Variants in HEATR5A observed in about 807,000 individuals in gnomAD.
HEATR5A encodes the protein HEAT repeat-containing protein 5A.
HEATR5A carries 178 observed loss-of-function variants against 218.8 expected under a neutral mutation model. The observed-to-expected ratio is 0.81, with a 90% CI of 0.72 to 0.92. The LOEUF (loss-of-function observed/expected upper bound fraction) is 0.92. HEATR5A is among the 40% of genes least tolerant of loss of function. HEATR5A has a pLI of 0.00. For missense variants in HEATR5A, 2,420 were observed against 2,418.9 expected (o/e 1.00, Z -0.01); for synonymous variants, 864 against 871.6 (o/e 0.99, Z 0.15).
At chr14:31,418,174 A>C (rs1403473771) in intron 1 of HEATR5A, among the ~76,000 whole-genome samples, 1 of 152,204 alleles carries the variant, frequency 6.6e-6, no homozygotes, top group Non-Finnish European at 1.5e-5. Context: ...GCGCCACTGC[A>C]CTCCAGCCTG....
chr14:31,349,094 G>T (rs1416818291), intron 18 of HEATR5A, among the ~76,000 whole-genome samples: 1 of 152,074 alleles, frequency 6.6e-6, no homozygotes, highest in Non-Finnish European at 1.5e-5. Context: ...ACAACTGATA[G>T]AAATGAAAGT....
At chr14:31,393,801 A>G (rs2030545400) in intron 6 of HEATR5A, among the ~76,000 whole-genome samples, 1 of 152,050 alleles carries the variant, frequency 6.6e-6, no homozygotes, top group Non-Finnish European at 1.5e-5. Context: ...GGCGTGTGCC[A>G]TCACACCAAG....
At chr14:31,347,460 C>T (rs963273853) in intron 19 of HEATR5A, among the ~76,000 whole-genome samples, 1 of 152,164 alleles carries the variant, frequency 6.6e-6, no homozygotes, top group Non-Finnish European at 1.5e-5. Context: ...AATCTGCCTG[C>T]CTCGGCATCC....
Position 31,364,167 on chromosome 14 carries a change from C to T in HEATR5A, c.2071+22G>A, listed in dbSNP as rs1177523152. 7.5e-6 allele frequency: 8 copies of T among 1,068,178 alleles called. No individual in the cohort carries two copies. In the African/African-American group the frequency reaches 1.1e-4, roughly 15 times the overall value. 66.2% of individuals were successfully genotyped at this position (1,068,178 alleles called of 1,614,324 possible). On this transcript the variant is annotated intron_variant, in intron 14 of 35. Transcript: ENST00000543095. The stretch of plus-strand genomic sequence containing the variant: ...ACCATACTAGCCACAAACAAAAAAA[C>T]ATTTTGGTCTAAGGCACATACCTTC...
chr14:31,343,933 C>A lies in HEATR5A; in HGVS notation c.3191G>T (p.Arg1064Leu), dbSNP rs779508768. The A allele has an allele frequency of 6.2e-7, 1 of 1,610,620 alleles. No individual in the cohort carries two copies. The highest frequency in any genetic ancestry group is 8.5e-7 in the Non-Finnish European group (1 of 1,178,788). Residue 1064 changes from arginine to leucine, a missense_variant, in exon 21 of 36, where the codon CGA becomes CTA. Transcript: ENST00000543095. ...AACCAGGCTAGACAAGTTGACATGT[C>A]GTGGAGCAAACATATGAAGCTGCTG... is the stretch of plus-strand genomic sequence containing the variant. Reference protein sequence around the residue: ...CLQQLHMFAPRHVNLSSLVSC... With the variant: ...CLQQLHMFAPLHVNLSSLVSC...
chr14:31,299,587 G>C (rs1416928884), intron 33 of HEATR5A, among the ~76,000 whole-genome samples: 3 of 151,826 alleles, frequency 2.0e-5, no homozygotes, highest in African/African-American at 7.3e-5. Context: ...GCCAGGCGTG[G>C]TGGCACATGC....
At position 31,387,313 on chromosome 14, in the gene HEATR5A, A is replaced by C. The variant is rs2030266766; in HGVS notation, c.996T>G (p.Phe332Leu). Residue 332 changes from phenylalanine to leucine, a missense_variant, in exon 8 of 36, where the codon TTT becomes TTG. Transcript: ENST00000543095. ...GAWLEKNFAA[F>L]FSHILSLASP... ...ACGCAAGGCTTAGGATATGAGAAAA[A>C]AAGGCAGCAAAATTTTTCTCTAGCC... is the stretch of plus-strand genomic sequence containing the variant. 12 of 1,614,000 alleles carry C rather than the reference A, an allele frequency of 7.4e-6. No homozygotes were observed. The highest frequency in any genetic ancestry group is 1.0e-5 in the Non-Finnish European group (12 of 1,179,886).
chr14:31,304,442 A>G (rs945467028), intron 32 of HEATR5A, among the ~76,000 whole-genome samples: 1 of 151,828 alleles, frequency 6.6e-6, no homozygotes, highest in Non-Finnish European at 1.5e-5. Context: ...TTTTAGACAT[A>G]ATTTCACTCT....
At chr14:31,406,730 G>C (rs1310523914) in intron 1 of HEATR5A, among the ~76,000 whole-genome samples, 1 of 152,118 alleles carries the variant, frequency 6.6e-6, no homozygotes, top group Non-Finnish European at 1.5e-5. Flanking sequence ...GGCCAAGGCA[G>C]GTGGATCATC....
intron 26 of HEATR5A, 50 bp from the exon 27 acceptor site, chr14:31,315,999 C>T: frequency 7.1e-7 from 1 of 1,407,878 alleles, no homozygotes; most frequent in Non-Finnish European, 9.5e-7. Flanking sequence ...AAGTATCTCC[C>T]TTGGCTGGGT....
At position 31,362,975 on chromosome 14, in the gene HEATR5A, AC is replaced by A. The variant is rs147593189; in HGVS notation, c.2071+1213del. Among the ~76,000 whole-genome samples the A allele has an allele frequency of 2.9e-4, 44 of 152,106 alleles. 1 individual carries two copies. In the East Asian group the frequency reaches 8.5e-3, roughly 29 times the overall value. On this transcript the variant is annotated intron_variant, in intron 14 of 35. Coordinates refer to ENST00000543095, the MANE Select transcript of HEATR5A (RefSeq NM_015473.4). ...GAATCACCTGAGGTCAGGAGTTCAC[AC>A]CTGTAATCCCAGCGCTTTGGGAGGC...
chr14:31,358,871 T>A, intron 15 of HEATR5A, 23 bp downstream of exon 15: 1 of 1,601,178 alleles, frequency 6.2e-7, no homozygotes, highest in Admixed American at 1.8e-5. Flanking sequence ...TTGAATCTAA[T>A]CAAGAGTAAA....
intron 8 of HEATR5A, 90 bp downstream of exon 8, chr14:31,387,030 A>G (rs1483452590): frequency 1.2e-5 from 15 of 1,259,892 alleles, no homozygotes; most frequent in Non-Finnish European, 1.6e-5. Context: ...AGGTTTCTGT[A>G]TTAATATAGT....
chr14:31,310,462 A>G (rs1042985736), intron 28 of HEATR5A, among the ~76,000 whole-genome samples: 10 of 152,120 alleles, frequency 6.6e-5, no homozygotes, highest in Non-Finnish European at 1.3e-4. Flanking sequence ...TAACATGGAG[A>G]AACCCTGTCT....
intron 27 of HEATR5A, among the ~76,000 whole-genome samples, chr14:31,313,830 T>C (rs997240348): frequency 3.3e-5 from 5 of 152,368 alleles, no homozygotes; most frequent in Middle Eastern, 6.8e-3. Context: ...TTCTATGGTA[T>C]TGCCCCAGAC....
chr14:31,389,385 C>T (rs975419125), intron 6 of HEATR5A, among the ~76,000 whole-genome samples: 1 of 152,128 alleles, frequency 6.6e-6, no homozygotes, highest in African/African-American at 2.4e-5. Flanking sequence ...TGGAAAATGC[C>T]AAAATCATAA....
chr14:31,398,034 C>G (rs1253460167), intron 4 of HEATR5A, among the ~76,000 whole-genome samples: 1 of 152,114 alleles, frequency 6.6e-6, no homozygotes, highest in Non-Finnish European at 1.5e-5. Flanking sequence ...CATATAAATG[C>G]TTTCATTTCA....
chr14:31,403,058 C>G lies in HEATR5A; in HGVS notation c.-74-9G>C. ...TACCTAACAATAAAAATCTGCAATA[C>G]AGGAAAATAATGTATTTTAAAAGGG... On this transcript the variant is annotated splice_polypyrimidine_tract_variant and intron_variant, in intron 1 of 35. Transcript: ENST00000543095. 7.9e-7 allele frequency: 1 copy of G among 1,265,954 alleles called. No individual in the cohort carries two copies. The highest frequency in any genetic ancestry group is 1.1e-6 in the Non-Finnish European group (1 of 946,690). The allele number at this position is 1,265,954 out of a possible 1,614,324, so 78.4% of individuals were successfully genotyped here. A position where few individuals can be genotyped will look rare whatever the true frequency, so the allele number is the denominator to read the frequency against.
chr14:31,417,326 G>A (rs1273996815), intron 1 of HEATR5A, among the ~76,000 whole-genome samples: 1 of 152,166 alleles, frequency 6.6e-6, no homozygotes, highest in Non-Finnish European at 1.5e-5. Flanking sequence ...TTGGGAGGCC[G>A]AGGTACGCGG....
Sources: allele counts gnomAD v4.1 joint callset (sites outside exome capture counted in the v4.1 genomes callset), GRCh38; gene constraint gnomAD v4.1.1; transcripts MANE v1.5; gene names NCBI Gene and HGNC (gene_info 2026-07-23, HGNC 2026-07-21).